Variants in TCF7L1 observed in about 807,000 individuals in gnomAD.
The protein encoded by TCF7L1 is transcription factor 7 like 1, also known as transcription factor 7-like 1.
A neutral mutation model predicts 63.7 loss-of-function variants in TCF7L1; 18 were observed. That is an observed-to-expected ratio of 0.28 (90% confidence interval 0.20 to 0.42). TCF7L1 has a LOEUF of 0.42. Among genes scored for constraint, TCF7L1 ranks in the 10% least tolerant of loss-of-function variants. The pLI, the probability that TCF7L1 is intolerant of heterozygous loss-of-function variation, is 1.00. For synonymous variants in TCF7L1, 355 were observed against 340.9 expected (o/e 1.04, Z -0.46); for missense variants, 654 against 779.3 (o/e 0.84, Z 1.91).
At chr2:85,152,017 G>A (rs1678028091) in intron 3 of TCF7L1, among the ~76,000 whole-genome samples, 2 of 152,202 alleles carry the variant, frequency 1.3e-5, no homozygotes, top group African/African-American at 4.8e-5. Flanking sequence ...CCTACTTAAT[G>A]TCTTTCAATC....
chr2:85,244,060 A>C (rs1680404371), intron 3 of TCF7L1, among the ~76,000 whole-genome samples: 1 of 152,202 alleles, frequency 6.6e-6, no homozygotes, highest in African/African-American at 2.4e-5. Flanking sequence ...AACTCTATAG[A>C]CACATACACG....
At chr2:85,219,248 G>A (rs373575650) in intron 3 of TCF7L1, among the ~76,000 whole-genome samples, 3 of 152,262 alleles carry the variant, frequency 2.0e-5, no homozygotes, top group South Asian at 2.1e-4. Flanking sequence ...ACAATGAGAC[G>A]GCAAAAGTTA....
chr2:85,231,800 T>G (rs888853217), intron 3 of TCF7L1, among the ~76,000 whole-genome samples: 1 of 152,168 alleles, frequency 6.6e-6, no homozygotes, highest in Non-Finnish European at 1.5e-5. Flanking sequence ...AACCTTGTGT[T>G]GGTGGGTTTA....
chr2:85,246,288 T>G (rs959480897), intron 3 of TCF7L1, among the ~76,000 whole-genome samples: 2 of 152,206 alleles, frequency 1.3e-5, no homozygotes, highest in Admixed American at 6.5e-5. Context: ...TCAAAATGGA[T>G]TTAATTACTT....
intron 4 of TCF7L1, among the ~76,000 whole-genome samples, chr2:85,298,590 G>T (rs1162250839): frequency 2.6e-5 from 4 of 151,210 alleles, no homozygotes; most frequent in Admixed American, 2.6e-4. Context: ...GACTGAAATA[G>T]ACGGGAAACA....
Sources: gnomAD v4.1 joint callset for allele counts (sites outside exome capture counted in the v4.1 genomes callset) on GRCh38, gnomAD v4.1.1 for gene constraint, MANE v1.5 for transcripts, NCBI Gene and HGNC (gene_info 2026-07-23, HGNC 2026-07-21) for gene names.